The following ESRRG variants were observed in gnomAD, a reference collection of about 807,000 sequenced individuals.
The protein encoded by ESRRG is estrogen-related receptor gamma.
ESRRG carries 13 observed loss-of-function variants against 44.0 expected under a neutral mutation model. The observed-to-expected ratio is 0.30, with a 90% confidence interval of 0.19 to 0.47. ESRRG has a LOEUF of 0.47. ESRRG is among the 20% of genes least tolerant of loss of function. The probability of loss-of-function intolerance (pLI) is 1.00; values close to 1 mark genes in which losing one functional copy is unlikely to be tolerated. For synonymous variants in ESRRG, 215 were observed against 214.6 expected (o/e 1.00, Z -0.02); for missense variants, 395 against 580.6 (o/e 0.68, Z 3.29).
intron 1 of ESRRG, among the ~76,000 whole-genome samples, chr1:217,066,493 G>A (rs980973847): frequency 2.7e-5 from 4 of 150,708 alleles, no homozygotes; most frequent in Admixed American, 2.0e-4. Flanking sequence ...CACCTGCCTC[G>A]GCCTCCCAGA....
chr1:216,674,431 A>G (rs1575119866), intron 2 of ESRRG, among the ~76,000 whole-genome samples: 1 of 152,320 alleles, frequency 6.6e-6, no homozygotes, highest in South Asian at 2.1e-4. Flanking sequence ...TAAATATAGC[A>G]ACGATGAGCC....
intron 2 of ESRRG, among the ~76,000 whole-genome samples, chr1:216,870,565 A>C (rs1013916180): frequency 6.6e-6 from 1 of 151,990 alleles, no homozygotes; most frequent in Non-Finnish European, 1.5e-5. Flanking sequence ...TTCTGAAGGA[A>C]ATTTTTTGGA....
chr1:216,871,884 A>T (rs570548252), intron 2 of ESRRG, among the ~76,000 whole-genome samples: 1 of 152,170 alleles, frequency 6.6e-6, no homozygotes, highest in South Asian at 2.1e-4. Context: ...AGGTACCCCA[A>T]TACTTACTAT....
chr1:216,739,733 C>G (rs1329146131), intron 2 of ESRRG, among the ~76,000 whole-genome samples: 3 of 152,150 alleles, frequency 2.0e-5, no homozygotes, highest in African/African-American at 7.2e-5. Context: ...CAGCTCACTG[C>G]TAACTCCTTC....
At chr1:217,067,142 T>C (rs4846808) in intron 1 of ESRRG, among the ~76,000 whole-genome samples, 20,828 of 152,252 alleles carry the variant, frequency 0.14, 2,141 homozygotes, top group East Asian at 0.59. Flanking sequence ...TTCTATACTA[T>C]AGCCTTAAAA....
At position 217,027,967 on chromosome 1, in the gene ESRRG, G is replaced by T. The variant is rs147000514; in HGVS notation, c.-106+61540C>A. On this transcript the variant is annotated intron_variant, in intron 1 of 7. Coordinates refer to the ESRRG transcript ENST00000359162. ...TTCTAAACTAATGCCTTACTAACAGGGTTAGAAAAGAGAACAAACAACAAT... is the reference window on the plus strand; with the variant it reads ...TTCTAAACTAATGCCTTACTAACAGTGTTAGAAAAGAGAACAAACAACAAT... Among the ~76,000 whole-genome samples, 40 of 152,166 alleles carry T rather than the reference G, an allele frequency of 2.6e-4. No homozygotes were observed. In the East Asian group the frequency reaches 7.6e-3, roughly 29 times the overall value.
intron 3 of ESRRG, among the ~76,000 whole-genome samples, chr1:216,635,708 T>A (rs1345066760): frequency 1.3e-5 from 2 of 152,054 alleles, no homozygotes; most frequent in Non-Finnish European, 2.9e-5. Context: ...CACCTTCAGC[T>A]CTCCTGCACA....
chr1:216,552,768 G>T (rs1236897395), intron 5 of ESRRG, among the ~76,000 whole-genome samples: 1 of 152,060 alleles, frequency 6.6e-6, no homozygotes, highest in East Asian at 1.9e-4. Context: ...TCGACTTTTT[G>T]GGGAAAGGGA....
intron 5 of ESRRG, among the ~76,000 whole-genome samples, chr1:216,534,524 A>C (rs1343683493): frequency 6.6e-6 from 1 of 152,168 alleles, no homozygotes; most frequent in African/African-American, 2.4e-5. Context: ...ATTCAAGAAC[A>C]ACAAAAATTC....
intron 2 of ESRRG, among the ~76,000 whole-genome samples, chr1:216,747,192 G>T (rs2091498207): frequency 6.6e-6 from 1 of 152,098 alleles, no homozygotes; most frequent in Non-Finnish European, 1.5e-5. Context: ...ATGAAACAAG[G>T]ATTCTGAGAC....
rs1229977000 is a variant in ESRRG, at chr1:217,035,321, A to AAC, written c.-106+54185_-106+54186insGT. Among the ~76,000 whole-genome samples the AAC allele has an allele frequency of 6.6e-3, 966 of 146,340 alleles. 9 individuals carry two copies. Among genetic ancestry groups the AAC allele is most frequent in the African/African-American group, 0.023 (928 of 39,724 alleles). On this transcript the variant is annotated intron_variant, in intron 1 of 7. Coordinates refer to the ESRRG transcript ENST00000359162. ...GGCAGCCTAGCGAGACTCTGTCTCA[A>AAC]AAAAAAAAAAAAAAAAAAAAGTGGT...
intron 2 of ESRRG, among the ~76,000 whole-genome samples, chr1:216,751,466 C>G (rs17043697): frequency 0.12 from 18,734 of 152,164 alleles, 1,261 homozygotes; most frequent in South Asian, 0.21. Context: ...TGAGCAACCA[C>G]TGACATTTGG....
chr1:216,813,663 T>G (rs2576234), intron 2 of ESRRG, among the ~76,000 whole-genome samples: 39,239 of 152,066 alleles, frequency 0.26, 5,430 homozygotes, highest in East Asian at 0.48. Context: ...AGTGGTGAAA[T>G]AGTAAAACCT....
intron 1 of ESRRG, among the ~76,000 whole-genome samples, chr1:216,718,869 C>G (rs2085512708): frequency 6.6e-6 from 1 of 151,942 alleles, no homozygotes; most frequent in South Asian, 2.1e-4. Context: ...TACTGAGATC[C>G]CTCAGATCCT....
intron 2 of ESRRG, among the ~76,000 whole-genome samples, chr1:216,855,536 G>A (rs1379149861): frequency 6.6e-6 from 1 of 152,190 alleles, no homozygotes; most frequent in Non-Finnish European, 1.5e-5. Context: ...GCCAGCTAAA[G>A]TGGAAAACAA....
intron 2 of ESRRG, among the ~76,000 whole-genome samples, chr1:216,881,450 T>C (rs987758997): frequency 1.3e-5 from 2 of 152,166 alleles, no homozygotes; most frequent in African/African-American, 4.8e-5. Flanking sequence ...CCTCTGGTCC[T>C]CTTCTAATAT....
At chr1:216,989,145 G>A (rs545951415) in intron 1 of ESRRG, among the ~76,000 whole-genome samples, 4 of 152,054 alleles carry the variant, frequency 2.6e-5, no homozygotes, top group South Asian at 2.1e-4. Context: ...ACCAGATATC[G>A]GTGTCTTTTT....
intron 2 of ESRRG, among the ~76,000 whole-genome samples, chr1:216,877,207 G>T (rs1029979845): frequency 6.6e-6 from 1 of 151,870 alleles, no homozygotes; most frequent in East Asian, 1.9e-4. Context: ...ACTCCTTATG[G>T]ATAGTAATCA....
chr1:216,878,507 A>C (rs987027252), intron 2 of ESRRG, among the ~76,000 whole-genome samples: 3 of 152,110 alleles, frequency 2.0e-5, no homozygotes, highest in African/African-American at 4.8e-5. Flanking sequence ...ATTCTCCTGC[A>C]TTTTCTTCTA....
Sources: gnomAD v4.1 joint callset for allele counts (sites outside exome capture counted in the v4.1 genomes callset) on GRCh38, gnomAD v4.1.1 for gene constraint, MANE v1.5 for transcripts, NCBI Gene and HGNC (gene_info 2026-07-23, HGNC 2026-07-21) for gene names.